The following ZC3H13 variants were observed in gnomAD, a reference collection of about 807,000 sequenced individuals.
ZC3H13 encodes zinc finger CCCH domain-containing protein 13.
ZC3H13 carries 64 observed loss-of-function variants against 204.1 expected under a neutral mutation model. The observed-to-expected ratio is 0.31, with a 90% CI of 0.26 to 0.39. ZC3H13 has a LOEUF of 0.39. Ranked by LOEUF, ZC3H13 falls within the 10% of genes least tolerant of loss-of-function variation. The pLI, the probability that ZC3H13 is intolerant of heterozygous loss-of-function variation, is 1.00. For missense variants in ZC3H13, 1,833 were observed against 2,082.7 expected, an observed-to-expected ratio of 0.88 and a Z score of 2.33; for synonymous variants, 667 against 693.7, an observed-to-expected ratio of 0.96 and a Z score of 0.60.
At chr13:46,023,035 G>A (rs1240220159) in intron 4 of ZC3H13, among the ~76,000 whole-genome samples, 1 of 152,124 alleles carries the variant, frequency 6.6e-6, no homozygotes, top group Non-Finnish European at 1.5e-5. Context: ...GGCAGATTAT[G>A]TTCATCATTA....
Position 45,983,425 on chromosome 13 carries a change from T to A in ZC3H13, c.1720+1872A>T, listed in dbSNP as rs1392841100. 3.7e-4 allele frequency among the ~76,000 whole-genome samples: 16 copies of A among 43,826 alleles called. 1 individual carries two copies. Among genetic ancestry groups the A allele is most frequent in the Admixed American group, 1.4e-3 (6 of 4,338 alleles). The allele number at this position is 43,826 out of a possible 152,430, so 28.8% of individuals were successfully genotyped here. A position where few individuals can be genotyped will look rare whatever the true frequency, so the allele number is the denominator to read the frequency against. On this transcript the variant is annotated intron_variant, in intron 10 of 18. Transcript: ENST00000679008. The stretch of plus-strand genomic sequence containing the variant: ...CTTATATATATATATTTTTTTTTTT[T>A]TTTTTTTTTTTTTTTTTTTGAGACG...
intron 14 of ZC3H13, 43 bp from the exon 15 acceptor site, chr13:45,968,071 T>A (rs930954010): frequency 4.7e-6 from 7 of 1,502,048 alleles, no homozygotes; most frequent in Admixed American, 2.4e-5. Context: ...TAGCACATGA[T>A]AAAATAGAAA....
chr13:46,034,510 C>T (rs1265961958), intron 4 of ZC3H13, among the ~76,000 whole-genome samples: 1 of 152,068 alleles, frequency 6.6e-6, no homozygotes, highest in Admixed American at 6.6e-5. Flanking sequence ...AAGTACTATG[C>T]TGAAAGAATC....
intron 8 of ZC3H13, among the ~76,000 whole-genome samples, chr13:45,989,798 A>G (rs1416780237): frequency 1.5e-5 from 1 of 67,764 alleles, no homozygotes; most frequent in Non-Finnish European, 2.8e-5. Flanking sequence ...AGATGTGATC[A>G]TTAAGCACAT....
chr13:45,970,603 A>C, intron 12 of ZC3H13, 138 bp from the exon 13 acceptor site: 1 of 622,512 alleles, frequency 1.6e-6, no homozygotes, highest in Non-Finnish European at 2.8e-6. Context: ...GTATCATACA[A>C]AGGATATTCA....
At chr13:46,051,394 T>C (rs1019660841) in intron 1 of ZC3H13, among the ~76,000 whole-genome samples, 3 of 152,206 alleles carry the variant, frequency 2.0e-5, no homozygotes, top group African/African-American at 7.2e-5. Context: ...TGCATCAACT[T>C]TGCTAGTCTC....
At chr13:45,987,397 A>T (rs571995511) in intron 9 of ZC3H13, among the ~76,000 whole-genome samples, 1 of 152,324 alleles carries the variant, frequency 6.6e-6, no homozygotes, top group East Asian at 1.9e-4. Context: ...GTAGTCATTA[A>T]ATATGTACTA....
chr13:45,964,583 A>C (rs1951934969), intron 16 of ZC3H13, among the ~76,000 whole-genome samples: 2 of 152,240 alleles, frequency 1.3e-5, no homozygotes, highest in African/African-American at 4.8e-5. Context: ...GAAAATAACA[A>C]AGATAACAAT....
rs140252646 is a variant in ZC3H13 at position 46,034,059 on chromosome 13, T to G, written c.339+8105A>C. Among the ~76,000 whole-genome samples the G allele has an allele frequency of 5.3e-5, 8 of 152,128 alleles. No individual in the cohort carries two copies. The East Asian group carries it at 5.8e-4, about 11-fold the overall frequency. On this transcript the variant is annotated intron_variant, in intron 4 of 18. Coordinates refer to ENST00000679008, the MANE Select transcript of ZC3H13 (RefSeq NM_001330564.2). Reference sequence around the variant, plus strand: ...AGATCAGAAACAGCCAATAAACATATGAAAAGATGTTCAACATCACTAACC... The same window carrying G: ...AGATCAGAAACAGCCAATAAACATAGGAAAAGATGTTCAACATCACTAACC...
intron 1 of ZC3H13, among the ~76,000 whole-genome samples, chr13:46,049,150 CAAAAA>C (rs58915210): frequency 7.6e-5 from 7 of 91,846 alleles, no homozygotes; most frequent in Admixed American, 1.2e-4. Context: ...GACTCCGTCT[CAAAAA>C]AAAAAAAAAA....
At chr13:46,007,589 A>G (rs2041244371) in intron 7 of ZC3H13, among the ~76,000 whole-genome samples, 1 of 152,256 alleles carries the variant, frequency 6.6e-6, no homozygotes, top group Non-Finnish European at 1.5e-5. Context: ...TACTTACTAA[A>G]GTACAGCATT....
intron 8 of ZC3H13, chr13:46,001,336 T>C (rs2040729028): frequency 6.6e-6 from 1 of 152,200 alleles, no homozygotes; most frequent in African/African-American, 2.4e-5. Flanking sequence ...ACCTTGGTAA[T>C]TAACTCTTCC....
intron 4 of ZC3H13, among the ~76,000 whole-genome samples, chr13:46,041,444 T>C (rs1214032621): frequency 2.0e-5 from 3 of 152,112 alleles, no homozygotes; most frequent in Non-Finnish European, 4.4e-5. Flanking sequence ...GCTGAAAAGT[T>C]TGGCGTTTCT....
intron 3 of ZC3H13, among the ~76,000 whole-genome samples, chr13:46,043,762 A>T (rs1324453502): frequency 6.6e-6 from 1 of 152,014 alleles, no homozygotes; most frequent in East Asian, 1.9e-4. Flanking sequence ...AAGTCTAGCA[A>T]TGACATTACT....
chr13:45,960,444 T>C (rs1951598578), intron 17 of ZC3H13, among the ~76,000 whole-genome samples: 1 of 152,116 alleles, frequency 6.6e-6, no homozygotes, highest in Admixed American at 6.6e-5. Flanking sequence ...TCTAAAAAAA[T>C]TAGTTAAGAA....
At chr13:46,024,271 T>C (rs1460006422) in intron 4 of ZC3H13, among the ~76,000 whole-genome samples, 1 of 152,226 alleles carries the variant, frequency 6.6e-6, no homozygotes, top group African/African-American at 2.4e-5. Context: ...TAAAAATTTC[T>C]CCTTTACTAT....
chr13:45,988,175 A>AAAAGGATGCTCT (rs1381158571), intron 9 of ZC3H13, among the ~76,000 whole-genome samples: 1 of 152,148 alleles, frequency 6.6e-6, no homozygotes. Context: ...TCAGTGATTG[A>AAAAGGATGCTCT]AAAGGATGCT....
chr13:45,970,315 T>A (rs756221621), intron 13 of ZC3H13, 47 bp downstream of exon 13: 5 of 1,588,548 alleles, frequency 3.1e-6, no homozygotes, highest in Non-Finnish European at 1.7e-6. Context: ...GTTTCATGGT[T>A]ACAAATGAAT....
At chr13:45,992,484 TTA>T (rs1410153252) in intron 8 of ZC3H13, among the ~76,000 whole-genome samples, 2 of 152,226 alleles carry the variant, frequency 1.3e-5, no homozygotes, top group South Asian at 2.1e-4. Flanking sequence ...ATGGTTAATT[TTA>T]TGTGTCAACT....
Sources: allele counts gnomAD v4.1 joint callset (sites outside exome capture counted in the v4.1 genomes callset), GRCh38; gene constraint gnomAD v4.1.1; transcripts MANE v1.5; gene names NCBI Gene and HGNC (gene_info 2026-07-23, HGNC 2026-07-21).